BRWD3: variants seen among roughly 807,000 people sequenced by gnomAD.
BRWD3 encodes bromodomain and WD repeat-containing protein 3.
Under a neutral mutation model 149.7 loss-of-function variants are expected in BRWD3, and 10 were observed. The observed-to-expected ratio is 0.07, with a 90% CI of 0.04 to 0.11. BRWD3 has a LOEUF of 0.11. BRWD3 is among the 10% of genes least tolerant of loss of function. BRWD3 has a pLI of 1.00. For synonymous variants in BRWD3, 504 were observed against 456.7 expected (o/e 1.10, Z -1.32); for missense variants, 940 against 1,373.2 (o/e 0.68, Z 4.99).
intron 8 of BRWD3, among the ~76,000 whole-genome samples, chrX:80,743,072 G>C (rs773895387): frequency 2.1e-4 from 23 of 111,648 alleles, no homozygotes; most frequent in African/African-American, 6.5e-4. Context: ...TACATCCCAT[G>C]AATACCTAAT....
At chrX:80,808,868 G>C (rs1371249447) in intron 3 of BRWD3, 145 bp downstream of exon 3, 7 of 653,383 alleles carry the variant, frequency 1.1e-5, no homozygotes, top group Admixed American at 2.8e-5. Flanking sequence ...CCTTTTGAGG[G>C]AAGAAGCCAA....
chrX:80,687,546 C>T (rs2072548318), intron 34 of BRWD3, among the ~76,000 whole-genome samples: 1 of 111,430 alleles, frequency 9.0e-6, no homozygotes, highest in Admixed American at 9.6e-5. Flanking sequence ...GTTAACATAG[C>T]AGGCCAGGAT....
chrX:80,697,926 T>C (rs949799984), intron 25 of BRWD3, among the ~76,000 whole-genome samples: 2 of 112,208 alleles, frequency 1.8e-5, no homozygotes, highest in Non-Finnish European at 3.8e-5. Flanking sequence ...TTCCCACCAG[T>C]AGTATATAAG....
intron 20 of BRWD3, among the ~76,000 whole-genome samples, chrX:80,711,421 G>A (rs755568969): frequency 3.7e-4 from 41 of 111,685 alleles, no homozygotes; most frequent in Middle Eastern, 9.2e-3. Flanking sequence ...ATACAACAGA[G>A]AAAGAAGGAA....
intron 4 of BRWD3, among the ~76,000 whole-genome samples, chrX:80,804,860 A>G (rs6652975): frequency 0.013 from 1,420 of 112,070 alleles, 33 homozygotes; most frequent in African/African-American, 0.044. Flanking sequence ...GGAAGCAGAA[A>G]ATAAAGTGCC....
chrX:80,709,631 C>A (rs1035006526), intron 20 of BRWD3, 54 bp from the exon 21 acceptor site: 15 of 1,118,272 alleles, frequency 1.3e-5, no homozygotes, highest in Admixed American at 2.4e-5. Context: ...AGTAAACACA[C>A]AAGGAACATA....
At chrX:80,759,248 T>A (rs766367732) in intron 6 of BRWD3, among the ~76,000 whole-genome samples, 1 of 112,162 alleles carries the variant, frequency 8.9e-6, no homozygotes, top group Non-Finnish European at 1.9e-5. Context: ...AAACACCTGT[T>A]GAATAAACCT....
chrX:80,808,737 T>A (rs748995877), intron 3 of BRWD3, 139 bp from the exon 4 acceptor site: 12 of 278,341 alleles, frequency 4.3e-5, no homozygotes, highest in Admixed American at 2.7e-4. Flanking sequence ...TGATAGCTAT[T>A]GGCTCAGAGC....
chrX:80,694,042 A>G (rs187132496), intron 27 of BRWD3, among the ~76,000 whole-genome samples: 16 of 111,218 alleles, frequency 1.4e-4, no homozygotes, highest in Middle Eastern at 9.3e-3. Flanking sequence ...AGGGCCTAGA[A>G]GGAAAAAATG....
Position 80,675,529 on chromosome X carries a change from T to C in BRWD3, c.*1080A>G, listed in dbSNP as rs1602292481. On this transcript the variant is annotated 3_prime_UTR_variant, in exon 41 of 41. Coordinates refer to ENST00000373275, the MANE Select transcript of BRWD3 (RefSeq NM_153252.5). ...TACTATATTTATGAAACTTTGTTAA[T>C]TACAATTATTAATTTGAGAGCCAAT... The C allele has an allele frequency of 1.8e-5, 2 of 112,058 alleles. No individual in the cohort carries two copies. The highest frequency in any genetic ancestry group is 6.5e-5 in the African/African-American group (2 of 30,910). The allele number at this position is 112,058 out of a possible 1,213,427, so 9.2% of individuals were successfully genotyped here.
chrX:80,675,387 T>C lies in BRWD3; in HGVS notation c.*1222A>G, dbSNP rs571792034. The C allele has an allele frequency of 8.1e-5, 9 of 111,549 alleles. No homozygotes were observed. The South Asian group carries it at 3.0e-3, about 37-fold the overall frequency. 9.2% of individuals were successfully genotyped at this position (111,549 alleles called of 1,213,427 possible). ...CAGGTGCTTTGTTAAATTTTAAGAT[T>C]CAAATGAAAACCAGCAACTCACAGC... On this transcript the variant is annotated 3_prime_UTR_variant, in exon 41 of 41. Coordinates refer to ENST00000373275, the MANE Select transcript of BRWD3 (RefSeq NM_153252.5).
At chrX:80,695,661 G>A (rs1370341429) in intron 27 of BRWD3, among the ~76,000 whole-genome samples, 1 of 111,599 alleles carries the variant, frequency 9.0e-6, no homozygotes, top group Admixed American at 9.5e-5. Context: ...ACAGACATTT[G>A]AGAATTTTCT....
chrX:80,725,304 T>C (rs1247644151), intron 14 of BRWD3, among the ~76,000 whole-genome samples: 1 of 111,918 alleles, frequency 8.9e-6, no homozygotes, highest in Non-Finnish European at 1.9e-5. Context: ...AAAATAAAGA[T>C]AGTCTAAACA....
At chrX:80,743,687 G>A (rs1378904460) in intron 8 of BRWD3, 3 of 158,475 alleles carry the variant, frequency 1.9e-5, no homozygotes, top group African/African-American at 9.4e-5. Flanking sequence ...TTTGCATAGA[G>A]GTGTTTAAGG....
At position 80,736,169 on chromosome X, in the gene BRWD3, A is replaced by G. The variant is rs749224347; in HGVS notation, c.814-81T>C. ...CAAACACGGAGTATTTTCAAATTGT[A>G]ATCATTTAACAAATATAATTTCAAT... On this transcript the variant is annotated intron_variant, in intron 8 of 40. Coordinates refer to ENST00000373275, the MANE Select transcript of BRWD3 (RefSeq NM_153252.5). 1.6e-5 allele frequency: 10 copies of G among 624,853 alleles called. No homozygotes were observed. In the East Asian group the frequency reaches 3.4e-4, roughly 21 times the overall value. The allele number at this position is 624,853 out of a possible 1,213,427, so 51.5% of individuals were successfully genotyped here. A position where few individuals can be genotyped will look rare whatever the true frequency, so the allele number is the denominator to read the frequency against.
At chrX:80,710,838 T>G (rs1404256360) in intron 20 of BRWD3, 2 of 306,168 alleles carry the variant, frequency 6.5e-6, no homozygotes, top group East Asian at 1.4e-4. Flanking sequence ...GTGAGTTTTT[T>G]CTAAGCAACC....
rs781321468 is a variant in BRWD3, at chrX:80,809,317, G to C, written c.32-13C>G. On this transcript the variant is annotated splice_polypyrimidine_tract_variant and intron_variant, in intron 1 of 40. Transcript: ENST00000373275. ...AGGTAATACAGCTCTGGGGAAGAGGGGGGAAAAGAGGTTCAGAGGGAGGTA... is the reference window on the plus strand; with the variant it reads ...AGGTAATACAGCTCTGGGGAAGAGGCGGGAAAAGAGGTTCAGAGGGAGGTA... 8.4e-7 allele frequency: 1 copy of C among 1,186,344 alleles called. No homozygotes were observed. The highest frequency in any genetic ancestry group is 1.1e-6 in the Non-Finnish European group (1 of 879,825).
At chrX:80,773,724 T>A (rs1456020502) in intron 6 of BRWD3, among the ~76,000 whole-genome samples, 1 of 112,015 alleles carries the variant, frequency 8.9e-6, no homozygotes, top group East Asian at 2.8e-4. Context: ...GAATGCTCCA[T>A]TTCTCAAGTT....
chrX:80,714,632 T>A (rs999054055), intron 20 of BRWD3, among the ~76,000 whole-genome samples: 1 of 111,681 alleles, frequency 9.0e-6, no homozygotes, highest in African/African-American at 3.3e-5. Context: ...AGCCCGACCA[T>A]CTCAGGCACA....
Sources: gnomAD v4.1 joint callset for allele counts (sites outside exome capture counted in the v4.1 genomes callset) on GRCh38, gnomAD v4.1.1 for gene constraint, MANE v1.5 for transcripts, NCBI Gene and HGNC (gene_info 2026-07-23, HGNC 2026-07-21) for gene names.